The following HS2ST1 variants were observed in gnomAD, a reference collection of about 807,000 sequenced individuals.
The protein encoded by HS2ST1 is 2-O-sulfotransferase.
HS2ST1 carries 18 observed loss-of-function variants against 42.9 expected under a neutral mutation model. The ratio of observed to expected loss-of-function variants is 0.42; its 90% CI spans 0.29 to 0.62. The LOEUF (loss-of-function observed/expected upper bound fraction) is 0.62. Ranked by LOEUF, HS2ST1 falls within the 20% of genes least tolerant of loss-of-function variation. The probability of loss-of-function intolerance (pLI) is 0.21; values close to 1 mark genes in which losing one functional copy is unlikely to be tolerated. For synonymous variants in HS2ST1, 146 were observed against 152.9 expected (o/e 0.95, Z 0.33); for missense variants, 334 against 433.8 (o/e 0.77, Z 2.04).
At chr1:86,972,172 AC>A (rs1221229123) in intron 1 of HS2ST1, among the ~76,000 whole-genome samples, 1 of 152,134 alleles carries the variant, frequency 6.6e-6, no homozygotes, top group Non-Finnish European at 1.5e-5. Context: ...CTTTTAAAAA[AC>A]GTTTTGTGTT....
intron 1 of HS2ST1, among the ~76,000 whole-genome samples, chr1:86,996,126 C>T (rs539113641): frequency 6.6e-5 from 10 of 151,812 alleles, no homozygotes; most frequent in East Asian, 5.8e-4. Context: ...AAAAGGAAAA[C>T]GAAATGGAAA....
chr1:86,928,439 A>G (rs1398800720), intron 1 of HS2ST1, among the ~76,000 whole-genome samples: 1 of 151,898 alleles, frequency 6.6e-6, no homozygotes, highest in African/African-American at 2.4e-5. Context: ...TTTAGATTTG[A>G]TCTGTATTTA....
chr1:86,960,041 C>T (rs948518086), intron 1 of HS2ST1, among the ~76,000 whole-genome samples: 1 of 151,980 alleles, frequency 6.6e-6, no homozygotes, highest in Non-Finnish European at 1.5e-5. Context: ...ACTTATGAAG[C>T]CACAGTAATC....
At chr1:87,017,852 G>T (rs911997428) in intron 1 of HS2ST1, among the ~76,000 whole-genome samples, 1 of 151,932 alleles carries the variant, frequency 6.6e-6, no homozygotes, top group East Asian at 1.9e-4. Context: ...GTTTCCGAGG[G>T]AAAACAGGCC....
At chr1:87,067,777 T>C (rs1437898034) in intron 1 of HS2ST1, among the ~76,000 whole-genome samples, 1 of 152,244 alleles carries the variant, frequency 6.6e-6, no homozygotes, top group African/African-American at 2.4e-5. Context: ...GTTTCAGTTC[T>C]CTGTATATGG....
At chr1:87,098,708 TA>T (rs1475958212) in intron 5 of HS2ST1, among the ~76,000 whole-genome samples, 1 of 152,234 alleles carries the variant, frequency 6.6e-6, no homozygotes, top group Non-Finnish European at 1.5e-5. Flanking sequence ...TCTCAATTTT[TA>T]ACCATTTCTT....
intron 1 of HS2ST1, among the ~76,000 whole-genome samples, chr1:87,043,597 ACAGTC>A (rs1650571302): frequency 6.6e-6 from 1 of 152,104 alleles, no homozygotes; most frequent in Non-Finnish European, 1.5e-5. Context: ...CTTTATTGTT[ACAGTC>A]CTGTCTTATA....
At chr1:86,993,208 A>C (rs986853204) in intron 1 of HS2ST1, 1 of 1,508,058 alleles carries the variant, frequency 6.6e-7, no homozygotes, top group African/African-American at 1.4e-5. Flanking sequence ...CCTGTGATAA[A>C]AGGTACAGTT....
chr1:86,943,819 A>C (rs1647234752), intron 1 of HS2ST1, among the ~76,000 whole-genome samples: 1 of 152,116 alleles, frequency 6.6e-6, no homozygotes, highest in African/African-American at 2.4e-5. Context: ...TGAGATCAGG[A>C]GTTTGAGACC....
At chr1:87,079,300 G>C (rs539728499) in intron 2 of HS2ST1, among the ~76,000 whole-genome samples, 2 of 152,060 alleles carry the variant, frequency 1.3e-5, no homozygotes, top group African/African-American at 4.8e-5. Context: ...ACCACGCCTG[G>C]CTAATTTTTT....
intron 2 of HS2ST1, among the ~76,000 whole-genome samples, chr1:87,081,324 T>G (rs1270131886): frequency 6.6e-6 from 1 of 152,156 alleles, no homozygotes; most frequent in Non-Finnish European, 1.5e-5. Context: ...AAAACAAGTC[T>G]TTAAAAGTTC....
chr1:87,069,253 A>G (rs1395507579), intron 1 of HS2ST1, among the ~76,000 whole-genome samples: 2 of 152,202 alleles, frequency 1.3e-5, no homozygotes, highest in African/African-American at 4.8e-5. Flanking sequence ...TCAAGGGTGA[A>G]CTGCAATTTA....
intron 1 of HS2ST1, among the ~76,000 whole-genome samples, chr1:87,038,245 A>C (rs1650432300): frequency 6.6e-6 from 1 of 152,140 alleles, no homozygotes. Context: ...AAAGCAGTGA[A>C]ATAAATGGAT....
intron 1 of HS2ST1, among the ~76,000 whole-genome samples, chr1:86,986,039 CTTT>C (rs11377612): frequency 3.0e-5 from 4 of 133,828 alleles, no homozygotes; most frequent in Admixed American, 7.6e-5. Flanking sequence ...AGCTTGGCCT[CTTT>C]TTTTTTTTTT....
At chr1:86,950,448 A>G (rs1019524681) in intron 1 of HS2ST1, among the ~76,000 whole-genome samples, 2 of 152,182 alleles carry the variant, frequency 1.3e-5, no homozygotes, top group African/African-American at 4.8e-5. Context: ...TGTGCAGTGG[A>G]TCCTGCATTG....
intron 1 of HS2ST1, among the ~76,000 whole-genome samples, chr1:86,982,108 G>C (rs892030437): frequency 3.3e-5 from 5 of 152,218 alleles, no homozygotes; most frequent in African/African-American, 1.2e-4. Context: ...TGAAGCAACG[G>C]CCTAAGCTGT....
At chr1:87,093,807 C>CT (rs2100651146) in intron 4 of HS2ST1, among the ~76,000 whole-genome samples, 1 of 151,994 alleles carries the variant, frequency 6.6e-6, no homozygotes, top group East Asian at 1.9e-4. Context: ...GTATTTTTTT[C>CT]TAAGTTAGTT....
At chr1:86,990,810 TTTTATA>T (rs1458732121) in intron 1 of HS2ST1, among the ~76,000 whole-genome samples, 3 of 53,458 alleles carry the variant, frequency 5.6e-5, no homozygotes, top group South Asian at 8.4e-4. Flanking sequence ...GCCTGGCTAA[TTTTATA>T]TATATATATA....
chr1:87,013,163 G>A (rs1649652493), intron 1 of HS2ST1, among the ~76,000 whole-genome samples: 2 of 152,138 alleles, frequency 1.3e-5, no homozygotes, highest in African/African-American at 4.8e-5. Context: ...CTCTGTATAG[G>A]GGCTCCCACA....
Sources: gnomAD v4.1 joint callset for allele counts (sites outside exome capture counted in the v4.1 genomes callset) on GRCh38, gnomAD v4.1.1 for gene constraint, MANE v1.5 for transcripts, NCBI Gene and HGNC (gene_info 2026-07-23, HGNC 2026-07-21) for gene names.